Variants in JAKMIP2 observed in about 807,000 individuals in gnomAD.
The protein encoded by JAKMIP2 is janus kinase and microtubule interacting protein 2, also known as janus kinase and microtubule-interacting protein 2.
Under a neutral mutation model 115.0 loss-of-function variants are expected in JAKMIP2, and 25 were observed. The ratio of observed to expected loss-of-function variants is 0.22; its 90% confidence interval spans 0.16 to 0.30. The LOEUF (loss-of-function observed/expected upper bound fraction) is 0.30, where lower values mean the gene tolerates loss of function less well. Among genes scored for constraint, JAKMIP2 ranks in the 10% least tolerant of loss-of-function variants. The probability of loss-of-function intolerance (pLI) is 1.00; values close to 1 mark genes in which losing one functional copy is unlikely to be tolerated. For missense variants in JAKMIP2, 642 were observed against 957.6 expected, an observed-to-expected ratio of 0.67 and a Z score of 4.35; for synonymous variants, 334 against 343.6, an observed-to-expected ratio of 0.97 and a Z score of 0.31.
At chr5:147,645,033 T>TG in intron 5 of JAKMIP2, 37 bp from the exon 6 acceptor site, 6 of 1,603,946 alleles carry the variant, frequency 3.7e-6, no homozygotes, top group Non-Finnish European at 5.1e-6. Context: ...GTCTTGCGTT[T>TG]GGGGGACGTG....
Position 147,631,528 on chromosome 5 carries a change from G to T in JAKMIP2, c.1777-17C>A. ...CTCTCTCTCCTTGAAACACAGTGAA[G>T]AATATATGGAAATTAAAAACAAAAC... On this transcript the variant is annotated splice_polypyrimidine_tract_variant and intron_variant, in intron 13 of 21. Transcript: ENST00000616793. 4.0e-6 allele frequency: 6 copies of T among 1,495,530 alleles called. No individual in the cohort carries two copies. The highest frequency in any genetic ancestry group is 5.6e-6 in the Non-Finnish European group (6 of 1,074,254). The allele number at this position is 1,495,530 out of a possible 1,614,324, so 92.6% of individuals were successfully genotyped here. A position where few individuals can be genotyped will look rare whatever the true frequency, so the allele number is the denominator to read the frequency against.
intron 1 of JAKMIP2, among the ~76,000 whole-genome samples, chr5:147,703,383 A>G (rs1174357396): frequency 6.6e-6 from 1 of 152,130 alleles, no homozygotes; most frequent in African/African-American, 2.4e-5. Context: ...TAAAAATACA[A>G]GATGAAAATA....
intron 2 of JAKMIP2, among the ~76,000 whole-genome samples, chr5:147,665,118 G>A (rs950713811): frequency 6.6e-6 from 1 of 152,148 alleles, no homozygotes; most frequent in African/African-American, 2.4e-5. Context: ...CTTCTAGATT[G>A]GGGTGGGCAA....
In JAKMIP2 at chr5:147,671,940, G is replaced by A. The variant is rs559812921; in HGVS notation, c.-134C>T. 21 of 1,321,894 alleles carry A rather than the reference G, an allele frequency of 1.6e-5. No individual in the cohort carries two copies. The African/African-American group carries it at 2.3e-4, about 14-fold the overall frequency. The allele number at this position is 1,321,894 out of a possible 1,614,324, so 81.9% of individuals were successfully genotyped here. On this transcript the variant is annotated 5_prime_UTR_variant, in exon 2 of 22. Coordinates refer to ENST00000616793, the MANE Select transcript of JAKMIP2 (RefSeq NM_001270941.2). The stretch of plus-strand genomic sequence containing the variant: ...GCTCCTTGGTAAGGTCTCCTCAATC[G>A]CTGCCCTGGAAGCCCTGAGAAGAGG...
intron 2 of JAKMIP2, among the ~76,000 whole-genome samples, chr5:147,663,195 T>C (rs1449170139): frequency 2.0e-5 from 3 of 152,294 alleles, no homozygotes; most frequent in South Asian, 4.2e-4. Context: ...TGGCTAATAC[T>C]GAGTGTCAAC....
At chr5:147,640,923 A>G in intron 8 of JAKMIP2, 100 bp from the exon 9 acceptor site, 1 of 986,126 alleles carries the variant, frequency 1.0e-6, no homozygotes, top group Non-Finnish European at 1.5e-6. Context: ...TGAATATAGA[A>G]GACATGGATC....
At position 147,618,118 on chromosome 5, in the gene JAKMIP2, G is replaced by A. The variant is rs186461844; in HGVS notation, c.2143-4C>T. On this transcript the variant is annotated splice_region_variant and splice_polypyrimidine_tract_variant and intron_variant, in intron 18 of 21. Coordinates refer to ENST00000616793, the MANE Select transcript of JAKMIP2 (RefSeq NM_001270941.2). ...TAGCTTCTAGTTCCTGGATTCTCTG[G>A]CAAATAGAATTAGAAAAGTCTAACT... The A allele has an allele frequency of 2.8e-4, 453 of 1,608,974 alleles. 1 individual carries two copies. The highest frequency in any genetic ancestry group is 3.5e-4 in the Non-Finnish European group (408 of 1,175,486).
At chr5:147,714,974 G>T (rs906856644) in intron 1 of JAKMIP2, among the ~76,000 whole-genome samples, 1 of 152,060 alleles carries the variant, frequency 6.6e-6, no homozygotes, top group Admixed American at 6.6e-5. Flanking sequence ...AAAGAACATG[G>T]ATTATTAACA....
intron 1 of JAKMIP2, among the ~76,000 whole-genome samples, chr5:147,755,066 G>A (rs1450975995): frequency 6.6e-6 from 1 of 152,124 alleles, no homozygotes; most frequent in Non-Finnish European, 1.5e-5. Flanking sequence ...TAGGTATCAA[G>A]GACTTTTGGG....
intron 7 of JAKMIP2, 113 bp downstream of exon 7, chr5:147,643,945 C>T (rs964790909): frequency 1.2e-4 from 85 of 726,026 alleles, no homozygotes; most frequent in Non-Finnish European, 1.6e-4. Context: ...ACATATTTAA[C>T]ATATGAACTT....
At chr5:147,722,660 T>C (rs893368053) in intron 1 of JAKMIP2, among the ~76,000 whole-genome samples, 5 of 152,214 alleles carry the variant, frequency 3.3e-5, no homozygotes, top group African/African-American at 1.2e-4. Flanking sequence ...AGGAAGGTGA[T>C]AATATTTCGG....
At chr5:147,701,694 G>A (rs1052289285) in intron 1 of JAKMIP2, among the ~76,000 whole-genome samples, 2 of 152,260 alleles carry the variant, frequency 1.3e-5, no homozygotes, top group African/African-American at 2.4e-5. Flanking sequence ...AATGCAACAA[G>A]TGCCATTATG....
chr5:147,639,807 G>A, intron 9 of JAKMIP2, 47 bp from the exon 10 acceptor site: 1 of 1,589,766 alleles, frequency 6.3e-7, no homozygotes, highest in African/African-American at 1.4e-5. Context: ...TTATGTTCAG[G>A]TCCTGTTTTC....
intron 1 of JAKMIP2, among the ~76,000 whole-genome samples, chr5:147,695,650 CTGTGTG>C (rs572202242): frequency 7.0e-6 from 1 of 142,906 alleles, no homozygotes; most frequent in Non-Finnish European, 1.5e-5. Context: ...AGTGAAAGGT[CTGTGTG>C]TGTGTGTGTG....
At chr5:147,742,184 A>G (rs1267182568) in intron 1 of JAKMIP2, among the ~76,000 whole-genome samples, 1 of 102,400 alleles carries the variant, frequency 9.8e-6, no homozygotes, top group Non-Finnish European at 1.8e-5. Context: ...TGTATCTTTC[A>G]GTGGATTTTT....
Position 147,644,072 on chromosome 5 carries a change from CAAT to C in JAKMIP2, c.1207_1209del (p.Ile403del). The stretch of plus-strand genomic sequence containing the variant: ...TTGACACGTACCCTTGTGAGCTCAT[CAAT>C]AATGTTCTGTTGCTCAATGACCTGA... On this transcript the variant is annotated inframe_deletion, in exon 7 of 22. Transcript: ENST00000616793. The C allele has an allele frequency of 6.3e-7, 1 of 1,593,176 alleles. No individual in the cohort carries two copies. Among genetic ancestry groups the C allele is most frequent in the Non-Finnish European group, 8.6e-7 (1 of 1,165,826 alleles).
rs199904559 is a variant in JAKMIP2 at position 147,782,651 on chromosome 5, A to AGGC, written c.-347_-345dup. The AGGC allele has an allele frequency of 1.8e-3, 1,193 of 653,496 alleles. 7 individuals are homozygous for AGGC. The African/African-American group carries it at 0.02, about 11-fold the overall frequency. The allele number at this position is 653,496 out of a possible 1,614,324, so 40.5% of individuals were successfully genotyped here. A position where few individuals can be genotyped will look rare whatever the true frequency, so the allele number is the denominator to read the frequency against. On this transcript the variant is annotated 5_prime_UTR_variant, in exon 1 of 22. Transcript: ENST00000616793. ...AGCCCCACTAGAGTATCAGCAATAG[A>AGGC]GGCGGCGGCGGCGGCAGCAGCAGCA...
intron 12 of JAKMIP2, among the ~76,000 whole-genome samples, chr5:147,635,241 C>T (rs1034239471): frequency 1.3e-5 from 2 of 152,052 alleles, no homozygotes; most frequent in African/African-American, 2.4e-5. Context: ...AAAGGAAAAG[C>T]CACCTTTGAA....
chr5:147,633,345 T>C (rs1449791084), intron 12 of JAKMIP2, among the ~76,000 whole-genome samples: 1 of 152,134 alleles, frequency 6.6e-6, no homozygotes, highest in Non-Finnish European at 1.5e-5. Context: ...ATGCAAACAC[T>C]AGAATCTAGG....
Sources: gnomAD v4.1 joint callset for allele counts (sites outside exome capture counted in the v4.1 genomes callset) on GRCh38, gnomAD v4.1.1 for gene constraint, MANE v1.5 for transcripts, NCBI Gene and HGNC (gene_info 2026-07-23, HGNC 2026-07-21) for gene names.